Variants in SHE observed in about 807,000 individuals in gnomAD.
SHE encodes SH2 domain-containing adapter protein E.
Under a neutral mutation model 49.8 loss-of-function variants are expected in SHE, and 11 were observed. The ratio of observed to expected loss-of-function variants is 0.22; its 90% confidence interval spans 0.14 to 0.37. SHE has a LOEUF of 0.37. Among genes scored for constraint, SHE ranks in the 10% least tolerant of loss-of-function variants. The probability of loss-of-function intolerance (pLI) is 1.00; values close to 1 mark genes in which losing one functional copy is unlikely to be tolerated. For missense variants in SHE, 624 were observed against 655.5 expected (o/e 0.95, Z 0.52); for synonymous variants, 310 against 278.1 (o/e 1.11, Z -1.14).
chr1:154,487,264 C>A (rs541973058), intron 3 of SHE, among the ~76,000 whole-genome samples: 3 of 145,714 alleles, frequency 2.1e-5, no homozygotes, highest in African/African-American at 5.0e-5. Context: ...GGGTGAGACT[C>A]CGTCTCAAAA....
chr1:154,472,229 G>A (rs1039026666), intron 1 of SHE, among the ~76,000 whole-genome samples: 4 of 152,300 alleles, frequency 2.6e-5, no homozygotes, highest in South Asian at 2.1e-4. Context: ...AGAGAGGTAC[G>A]GCATGGTAGA....
chr1:154,476,688 T>G (rs1037806185), downstream of SHE, among the ~76,000 whole-genome samples: 1 of 150,764 alleles, frequency 6.6e-6, no homozygotes, highest in Admixed American at 6.6e-5. Flanking sequence ...AAAAAAAAAG[T>G]AGAATAAAGC....
intron 1 of SHE, among the ~76,000 whole-genome samples, chr1:154,474,201 T>G (rs1195963018): frequency 6.6e-6 from 1 of 152,188 alleles, no homozygotes; most frequent in Non-Finnish European, 1.5e-5. Flanking sequence ...GTTTGTCACG[T>G]TTATCAGTGT....
intron 1 of SHE, among the ~76,000 whole-genome samples, chr1:154,472,572 C>CATACTT (rs1691771069): frequency 6.6e-6 from 1 of 152,190 alleles, no homozygotes; most frequent in South Asian, 2.1e-4. Context: ...TTCAGTGGAT[C>CATACTT]CCTTCTGTGG....
chr1:154,471,104 T>C (rs751511979), intron 1 of SHE, among the ~76,000 whole-genome samples: 7 of 152,052 alleles, frequency 4.6e-5, no homozygotes, highest in Non-Finnish European at 8.8e-5. Flanking sequence ...GAGCAACTCC[T>C]TAGGCGGAGT....
At position 154,480,456 on chromosome 1, in the gene SHE, A is replaced by T. The variant is rs2149289118; in HGVS notation, c.*3693T>A. ...CAAGATGCATCCAGTAACAACAGCC[A>T]ATAACAGACTAGTAACAGAGTTACA... is the stretch of plus-strand genomic sequence containing the variant. On this transcript the variant is annotated 3_prime_UTR_variant, in exon 6 of 6. Coordinates refer to ENST00000304760, the MANE Select transcript of SHE (RefSeq NM_001010846.3). 7.1e-6 allele frequency: 7 copies of T among 985,494 alleles called. No individual in the cohort carries two copies. Among genetic ancestry groups the T allele is most frequent in the Non-Finnish European group, 8.4e-6 (7 of 829,940 alleles). The allele number at this position is 985,494 out of a possible 1,614,324, so 61.0% of individuals were successfully genotyped here.
chr1:154,475,168 A>G (rs1175393325), downstream of SHE, among the ~76,000 whole-genome samples: 1 of 152,026 alleles, frequency 6.6e-6, no homozygotes, highest in Admixed American at 6.6e-5. Flanking sequence ...GATGTCTACT[A>G]TGTTGAGCAC....
chr1:154,477,949 T>C (rs554987025), downstream of SHE, among the ~76,000 whole-genome samples: 62 of 148,786 alleles, frequency 4.2e-4, no homozygotes, highest in African/African-American at 1.5e-3. Context: ...ATTAAACAAC[T>C]CCCCATTTCC....
Position 154,501,919 on chromosome 1 carries a change from G to A in SHE, c.108C>T (p.Leu36=), listed in dbSNP as rs531927015. The A allele has an allele frequency of 6.7e-7, 1 of 1,499,124 alleles. No homozygotes were observed. The highest frequency in any genetic ancestry group is 1.4e-5 in the African/African-American group (1 of 69,570). The allele number at this position is 1,499,124 out of a possible 1,614,324, so 92.9% of individuals were successfully genotyped here. Residue 36 remains leucine (L), a synonymous_variant, in exon 1 of 6, where the codon CTC becomes CTT. Coordinates refer to ENST00000304760, the MANE Select transcript of SHE (RefSeq NM_001010846.3). ...ACTCCTTGAACCACTTGGCCGCCAT[G>A]AGGGGGCCCCGGCCGGCTCGGCCCA... ...TLLGRAGRGP[L]MAAKWFKEFP... is the part of the protein sequence containing the mutation.
chr1:154,484,717 T>C (rs996700632), intron 5 of SHE: 3 of 162,876 alleles, frequency 1.8e-5, no homozygotes, highest in Non-Finnish European at 4.0e-5. Flanking sequence ...ATCCCAGCAC[T>C]GTGGGAGGCC....
rs1358265060 is a variant in SHE at position 154,499,206 on chromosome 1, A to G, written c.624T>C (p.Tyr208=). Reference sequence around the variant, plus strand: ...TTTGACCCTTTGTCCGTTTGGCATCATAAGGGTCAGCATAGTCTTCTAAAA... The same window carrying G: ...TTTGACCCTTTGTCCGTTTGGCATCGTAAGGGTCAGCATAGTCTTCTAAAA... The part of the protein sequence containing the change: ...VIILEDYADP[Y]DAKRTKGQRD... The change falls in exon 2 of 6, where the codon TAT becomes TAC. Residue 208 remains tyrosine, a synonymous_variant. Coordinates refer to ENST00000304760, the MANE Select transcript of SHE (RefSeq NM_001010846.3). 6.2e-7 allele frequency: 1 copy of G among 1,614,112 alleles called. No individual in the cohort carries two copies. Among genetic ancestry groups the G allele is most frequent in the South Asian group, 1.1e-5 (1 of 91,080 alleles).
In SHE at chr1:154,484,080, G is replaced by C; in HGVS notation, c.*69C>G. On this transcript the variant is annotated 3_prime_UTR_variant, in exon 6 of 6. Coordinates refer to ENST00000304760, the MANE Select transcript of SHE (RefSeq NM_001010846.3). ...AGTTGCTAGTCCAGCCTTGTCCTCTGAGATGCTGGTTGTGCGCTGATGATG... is the reference window on the plus strand; with the variant it reads ...AGTTGCTAGTCCAGCCTTGTCCTCTCAGATGCTGGTTGTGCGCTGATGATG... 1.9e-6 allele frequency: 3 copies of C among 1,552,950 alleles called. No homozygotes were observed. The highest frequency in any genetic ancestry group is 2.6e-6 in the Non-Finnish European group (3 of 1,144,764).
Position 154,483,668 on chromosome 1 carries a change from C to A in SHE, c.*481G>T. On this transcript the variant is annotated 3_prime_UTR_variant, in exon 6 of 6. Transcript: ENST00000304760. ...CTTAGCAAGGAAACAAGGGACAGGC[C>A]ACAAACAAAGTGTCATGGAATCACT... The A allele has an allele frequency of 1.0e-6, 1 of 987,348 alleles. No homozygotes were observed. The highest frequency in any genetic ancestry group is 1.2e-6 in the Non-Finnish European group (1 of 831,270). 61.2% of individuals were successfully genotyped at this position (987,348 alleles called of 1,614,324 possible). A position where few individuals can be genotyped will look rare whatever the true frequency, so the allele number is the denominator to read the frequency against.
chr1:154,489,384 A>G (rs1692295597), intron 2 of SHE, 28 bp from the exon 3 acceptor site: 1 of 1,603,926 alleles, frequency 6.2e-7, no homozygotes, highest in Admixed American at 1.7e-5. Context: ...TTTCTGAAAA[A>G]CACACACCAT....
intron 2 of SHE, among the ~76,000 whole-genome samples, chr1:154,489,564 C>T (rs1396256525): frequency 6.6e-6 from 1 of 152,230 alleles, no homozygotes; most frequent in Admixed American, 6.5e-5. Flanking sequence ...CCTACAACTT[C>T]TTCCCTCCAG....
chr1:154,472,035 T>C (rs919210998), intron 1 of SHE, among the ~76,000 whole-genome samples: 2 of 151,934 alleles, frequency 1.3e-5, no homozygotes, highest in African/African-American at 4.8e-5. Flanking sequence ...TAGCTGGGCA[T>C]GGTGGTGGGC....
chr1:154,489,445 A>C, intron 2 of SHE, 89 bp from the exon 3 acceptor site: 1 of 1,466,062 alleles, frequency 6.8e-7, no homozygotes, highest in Non-Finnish European at 9.3e-7. Flanking sequence ...CATTAACCCA[A>C]CTGCCTCAGC....
chr1:154,474,962 C>T (rs188112449), downstream of SHE, among the ~76,000 whole-genome samples: 3 of 152,296 alleles, frequency 2.0e-5, no homozygotes, highest in East Asian at 3.9e-4. Context: ...CAAGAGGAAC[C>T]AATGTCCTCC....
chr1:154,475,404 C>T (rs543305784), downstream of SHE, among the ~76,000 whole-genome samples: 5 of 152,256 alleles, frequency 3.3e-5, 1 homozygote, highest in African/African-American at 1.2e-4. Context: ...CCAGGCTGGT[C>T]CTGAACTCCC....
Sources: allele counts gnomAD v4.1 joint callset (sites outside exome capture counted in the v4.1 genomes callset), GRCh38; gene constraint gnomAD v4.1.1; transcripts MANE v1.5; gene names NCBI Gene and HGNC (gene_info 2026-07-23, HGNC 2026-07-21).